SNX10: variants seen among roughly 807,000 people sequenced by gnomAD.
SNX10 encodes sorting nexin-10.
In SNX10, 25 loss-of-function variants were observed where a neutral mutation model predicts 28.5. The ratio of observed to expected loss-of-function variants is 0.88; its 90% CI spans 0.64 to 1.22. SNX10 has a LOEUF of 1.22. SNX10 is among the 50% of genes most tolerant of loss of function. The pLI is 0.00. For synonymous variants in SNX10, 62 were observed against 81.4 expected, an observed-to-expected ratio of 0.76 and a Z score of 1.28; for missense variants, 223 against 242.6, an observed-to-expected ratio of 0.92 and a Z score of 0.54.
intron 2 of SNX10, chr7:26,360,732 C>G (rs1789032184): frequency 1.1e-6 from 1 of 907,370 alleles, no homozygotes. Context: ...GTAAAACTAT[C>G]CAGAAGTGCT....
chr7:26,337,040 A>G (rs1787971020), intron 1 of SNX10, among the ~76,000 whole-genome samples: 1 of 152,242 alleles, frequency 6.6e-6, no homozygotes, highest in African/African-American at 2.4e-5. Context: ...TCTTTCAGAA[A>G]TATTGAAATA....
At chr7:26,355,096 C>A (rs576548411) in intron 2 of SNX10, among the ~76,000 whole-genome samples, 1 of 152,206 alleles carries the variant, frequency 6.6e-6, no homozygotes, top group African/African-American at 2.4e-5. Context: ...GAGGCTTTTC[C>A]TTCTCCTTTG....
At chr7:26,363,553 C>T (rs568082438) in intron 3 of SNX10, among the ~76,000 whole-genome samples, 2 of 151,944 alleles carry the variant, frequency 1.3e-5, no homozygotes, top group East Asian at 1.9e-4. Flanking sequence ...TTTTGGTAGT[C>T]GCTTGTTTTA....
At chr7:26,297,067 A>AAT (rs1786138567) in intron 1 of SNX10, among the ~76,000 whole-genome samples, 1 of 148,860 alleles carries the variant, frequency 6.7e-6, no homozygotes, top group African/African-American at 2.5e-5. Context: ...TAAATATTAA[A>AAT]ATATATGTAA....
intron 2 of SNX10, among the ~76,000 whole-genome samples, chr7:26,349,846 CT>C (rs1225989991): frequency 6.6e-6 from 1 of 152,236 alleles, no homozygotes; most frequent in African/African-American, 2.4e-5. Flanking sequence ...GGATGCTTGC[CT>C]CAGCCTTGCT....
At chr7:26,346,281 G>A in intron 1 of SNX10, 139 bp from the exon 2 acceptor site, 1 of 679,998 alleles carries the variant, frequency 1.5e-6, no homozygotes, top group Non-Finnish European at 2.7e-6. Context: ...GGGCAGCGTG[G>A]GAGGAGCAGA....
chr7:26,320,958 A>G (rs2128000287), intron 1 of SNX10, among the ~76,000 whole-genome samples: 1 of 151,978 alleles, frequency 6.6e-6, no homozygotes, highest in East Asian at 1.9e-4. Flanking sequence ...GGTTATCTTA[A>G]CTCTTCCAGT....
In SNX10 at chr7:26,311,298, C is replaced by T. The variant is rs13224478; in HGVS notation, c.-24+19212C>T. Among the ~76,000 whole-genome samples the T allele has an allele frequency of 5.6e-3, 858 of 152,288 alleles. 4 individuals are homozygous for T. Among genetic ancestry groups the T allele is most frequent in the Non-Finnish European group, 8.7e-3 (592 of 68,026 alleles). Reference sequence around the variant, plus strand: ...CCAAGTAGCTGGGACTACAGGCTTGCGCCACTAGGCCTGGCTAATTTTTAA... The same window carrying T: ...CCAAGTAGCTGGGACTACAGGCTTGTGCCACTAGGCCTGGCTAATTTTTAA... On this transcript the variant is annotated intron_variant, in intron 1 of 6. Transcript: ENST00000338523.
intron 1 of SNX10, among the ~76,000 whole-genome samples, chr7:26,299,235 G>T (rs1041282463): frequency 6.6e-6 from 1 of 151,860 alleles, no homozygotes; most frequent in Admixed American, 6.6e-5. Context: ...TCGCTCTGTT[G>T]CCCAGGCTGG....
chr7:26,372,448 C>A, intron 6 of SNX10, 43 bp from the exon 7 acceptor site: 1 of 1,285,896 alleles, frequency 7.8e-7, no homozygotes. Context: ...TTGTGAAAAC[C>A]AATTTCCTCT....
chr7:26,312,420 C>T (rs948400210), intron 1 of SNX10, among the ~76,000 whole-genome samples: 1 of 152,102 alleles, frequency 6.6e-6, no homozygotes, highest in Non-Finnish European at 1.5e-5. Flanking sequence ...AAAAGAACTC[C>T]TATGAACCAA....
chr7:26,330,300 A>G (rs946422131), intron 1 of SNX10, among the ~76,000 whole-genome samples: 4 of 152,142 alleles, frequency 2.6e-5, no homozygotes, highest in Non-Finnish European at 4.4e-5. Context: ...AGGTCTTGCT[A>G]GGAAATGAGG....
At chr7:26,344,052 T>C (rs1484339971) in intron 1 of SNX10, among the ~76,000 whole-genome samples, 1 of 152,196 alleles carries the variant, frequency 6.6e-6, no homozygotes, top group African/African-American at 2.4e-5. Context: ...GTTCACATTG[T>C]TGTGCCGTTG....
chr7:26,326,495 G>A (rs1480918658), intron 1 of SNX10, among the ~76,000 whole-genome samples: 1 of 152,074 alleles, frequency 6.6e-6, no homozygotes, highest in Non-Finnish European at 1.5e-5. Flanking sequence ...TCTGCACCTG[G>A]AACCCATGCC....
chr7:26,316,856 C>T (rs1027020024), intron 1 of SNX10, among the ~76,000 whole-genome samples: 5 of 152,022 alleles, frequency 3.3e-5, no homozygotes, highest in Admixed American at 1.3e-4. Context: ...GCTGTCTGTG[C>T]GAATGTGTAT....
At chr7:26,315,117 A>G (rs1162732402) in intron 1 of SNX10, among the ~76,000 whole-genome samples, 1 of 152,228 alleles carries the variant, frequency 6.6e-6, no homozygotes, top group Admixed American at 6.5e-5. Flanking sequence ...CAGAAAAGCA[A>G]TTTAAACAAA....
chr7:26,326,949 C>CTTTT (rs34664332), intron 1 of SNX10, among the ~76,000 whole-genome samples: 1 of 119,810 alleles, frequency 8.3e-6, no homozygotes, highest in African/African-American at 3.2e-5. Flanking sequence ...TGTTAATTAT[C>CTTTT]TTTTTTTTTT....
intron 1 of SNX10, among the ~76,000 whole-genome samples, chr7:26,329,656 G>T (rs899126431): frequency 1.3e-5 from 2 of 152,188 alleles, no homozygotes; most frequent in African/African-American, 4.8e-5. Context: ...GGTGTTTGTT[G>T]CTGATACCGT....
chr7:26,311,929 A>G (rs1292405648), intron 1 of SNX10, among the ~76,000 whole-genome samples: 1 of 152,054 alleles, frequency 6.6e-6, no homozygotes, highest in African/African-American at 2.4e-5. Context: ...AACAGCTGGC[A>G]TTGCATTTGT....
Sources: gnomAD v4.1 joint callset for allele counts (sites outside exome capture counted in the v4.1 genomes callset) on GRCh38, gnomAD v4.1.1 for gene constraint, MANE v1.5 for transcripts, NCBI Gene and HGNC (gene_info 2026-07-23, HGNC 2026-07-21) for gene names.